FAR1: variants seen among roughly 807,000 people sequenced by gnomAD.
FAR1 encodes male sterility domain-containing protein 2.
A neutral mutation model predicts 61.1 loss-of-function variants in FAR1; 22 were observed. The observed-to-expected ratio is 0.36, with a 90% CI of 0.26 to 0.51. The LOEUF (loss-of-function observed/expected upper bound fraction) is 0.51. Among genes scored for constraint, FAR1 ranks in the 20% least tolerant of loss-of-function variants. FAR1 has a pLI of 0.95. For synonymous variants in FAR1, 206 were observed against 209.7 expected (o/e 0.98, Z 0.15); for missense variants, 359 against 626.9 (o/e 0.57, Z 4.56).
chr11:13,688,822 TTTTA>T (rs918384353), intron 1 of FAR1, among the ~76,000 whole-genome samples: 3 of 150,988 alleles, frequency 2.0e-5, no homozygotes, highest in African/African-American at 7.3e-5. Flanking sequence ...CATCAAACCG[TTTTA>T]TTTATTTATT....
intron 1 of FAR1, among the ~76,000 whole-genome samples, chr11:13,677,825 A>G (rs1848084476): frequency 6.6e-6 from 1 of 152,236 alleles, no homozygotes; most frequent in Non-Finnish European, 1.5e-5. Flanking sequence ...GATGGTTCCT[A>G]ATTGAATCAC....
At position 13,722,858 on chromosome 11, in the gene FAR1, C is replaced by CTCTCTCTA. The variant is rs905924337; in HGVS notation, c.1257+1000_1257+1001insCTCTCTAT. On this transcript the variant is annotated intron_variant, in intron 10 of 11. Transcript: ENST00000354817. Reference sequence around the variant, plus strand: ...TAGATTTCTCCCTCTCTCTCTCTCTCTATATATATATATATATATAAAATA... The same window carrying CTCTCTCTA: ...TAGATTTCTCCCTCTCTCTCTCTCTCTCTCTCTATATATATATATATATATATAAAATA... Among the ~76,000 whole-genome samples, 341 of 147,844 alleles carry CTCTCTCTA rather than the reference C, an allele frequency of 2.3e-3. 1 individual carries two copies. Among genetic ancestry groups the CTCTCTCTA allele is most frequent in the African/African-American group, 8.0e-3 (319 of 39,850 alleles).
At chr11:13,720,515 T>C (rs1848598868) in intron 9 of FAR1, 1 of 152,190 alleles carries the variant, frequency 6.6e-6, no homozygotes, top group Admixed American at 6.5e-5. Context: ...TTGAAGTTAC[T>C]TTATTGGATG....
At chr11:13,676,439 A>C (rs1192895748) in intron 1 of FAR1, among the ~76,000 whole-genome samples, 3 of 152,100 alleles carry the variant, frequency 2.0e-5, no homozygotes, top group Non-Finnish European at 4.4e-5. Flanking sequence ...GGCAGTTAAG[A>C]TCTGTGGAGG....
chr11:13,709,233 T>C (rs1848472531), intron 4 of FAR1, among the ~76,000 whole-genome samples: 1 of 152,136 alleles, frequency 6.6e-6, no homozygotes, highest in African/African-American at 2.4e-5. Flanking sequence ...CCTGCTAATA[T>C]GAGGAAACAG....
At chr11:13,697,856 G>A (rs1848325151) in intron 2 of FAR1, among the ~76,000 whole-genome samples, 1 of 152,082 alleles carries the variant, frequency 6.6e-6, no homozygotes, top group Non-Finnish European at 1.5e-5. Context: ...TTCAGGCTTA[G>A]GCCTTGTTTT....
At chr11:13,724,545 G>A (rs1448386598) in intron 10 of FAR1, among the ~76,000 whole-genome samples, 5 of 35,208 alleles carry the variant, frequency 1.4e-4, no homozygotes, top group African/African-American at 5.0e-4. Context: ...ACGAGACTCC[G>A]CCTCAAAAAA....
chr11:13,694,942 C>A lies in FAR1; in HGVS notation c.177C>A (p.Val59=). Residue 59 remains valine, a synonymous_variant, in exon 2 of 12, where the codon GTC becomes GTA. Coordinates refer to ENST00000354817, the MANE Select transcript of FAR1 (RefSeq NM_032228.6). ...GQTPQERVEE[V]LSGKLFDRLR... ...CACCACAAGAGCGAGTGGAAGAAGT[C>A]CTTAGTGGCAAGGTAAGTATGGAAA... The A allele has an allele frequency of 6.2e-7, 1 of 1,610,240 alleles. No homozygotes were observed. Among genetic ancestry groups the A allele is most frequent in the Non-Finnish European group, 8.5e-7 (1 of 1,178,206 alleles).
At chr11:13,725,914 CTTTT>C (rs939408066) in intron 10 of FAR1, among the ~76,000 whole-genome samples, 7 of 150,238 alleles carry the variant, frequency 4.7e-5, no homozygotes, top group African/African-American at 1.7e-4. Context: ...GTTTTAAGTT[CTTTT>C]TTCTTTTTTT....
At chr11:13,722,843 C>CCTCT (rs140943706) in intron 10 of FAR1, among the ~76,000 whole-genome samples, 10,997 of 142,918 alleles carry the variant, frequency 0.077, 542 homozygotes, top group South Asian at 0.12. Flanking sequence ...TAGATTTCTC[C>CCTCT]CTCTCTCTCT....
chr11:13,700,917 A>C (rs1260188399), intron 3 of FAR1, among the ~76,000 whole-genome samples: 1 of 151,840 alleles, frequency 6.6e-6, no homozygotes, highest in Non-Finnish European at 1.5e-5. Context: ...TTATAAATTT[A>C]AATCACACCT....
chr11:13,670,397 G>A (rs868419995), intron 1 of FAR1, among the ~76,000 whole-genome samples: 1 of 152,132 alleles, frequency 6.6e-6, no homozygotes, highest in Admixed American at 6.5e-5. Flanking sequence ...CAAGTGATCA[G>A]CTCTTGCCTC....
intron 10 of FAR1, among the ~76,000 whole-genome samples, chr11:13,725,885 C>CT (rs530480044): frequency 1.2e-4 from 18 of 151,368 alleles, no homozygotes; most frequent in African/African-American, 4.4e-4. Context: ...ACTAGTAGTG[C>CT]TTTGTATTTG....
Position 13,721,811 on chromosome 11 carries a change from T to G in FAR1, c.1209T>G (p.Thr403=). 1 of 1,611,082 alleles carries G rather than the reference T, an allele frequency of 6.2e-7. No homozygotes were observed. Among genetic ancestry groups the G allele is most frequent in the Non-Finnish European group, 8.5e-7 (1 of 1,178,550 alleles). ...YFTSNSWVWN[T]ENVNMLMNQL... ...CAAGTAATTCTTGGGTTTGGAATAC[T>G]GAGAATGTCAATATGTTAATGAATC... Residue 403 remains threonine (T), a synonymous_variant, in exon 10 of 12, where the codon ACT becomes ACG. Transcript: ENST00000354817. This position sits in a 1 kb window ranked among gnomAD's most constrained non-coding sequence, Gnocchi z 4.2.
chr11:13,718,063 C>A (rs1028442734), intron 9 of FAR1, among the ~76,000 whole-genome samples: 1 of 152,176 alleles, frequency 6.6e-6, no homozygotes, highest in Non-Finnish European at 1.5e-5. Flanking sequence ...TCCTATGGGA[C>A]AGCACTTTTA....
Position 13,726,419 on chromosome 11 carries a change from T to A in FAR1, c.1258-1137T>A, listed in dbSNP as rs756999356. ...TTTTATTCTCTGGAAATATCTTTAT[T>A]TCACCTTTATTTTTCAAGGATATTT... On this transcript the variant is annotated intron_variant, in intron 10 of 11. Coordinates refer to ENST00000354817, the MANE Select transcript of FAR1 (RefSeq NM_032228.6). 4.7e-4 allele frequency among the ~76,000 whole-genome samples: 72 copies of A among 152,222 alleles called. 1 individual carries two copies. Among genetic ancestry groups the A allele is most frequent in the Non-Finnish European group, 7.1e-4 (48 of 67,942 alleles).
intron 2 of FAR1, among the ~76,000 whole-genome samples, chr11:13,695,779 T>C (rs1848301156): frequency 6.6e-6 from 1 of 152,230 alleles, no homozygotes; most frequent in Admixed American, 6.5e-5. Flanking sequence ...TGACTTTGAA[T>C]GAACTTCATA....
intron 8 of FAR1, 28 bp downstream of exon 8, chr11:13,713,061 T>G: frequency 6.3e-7 from 1 of 1,593,940 alleles, no homozygotes; most frequent in Non-Finnish European, 8.6e-7. Flanking sequence ...TTTTTGAATG[T>G]TAGAATAAAT....
chr11:13,705,430 G>C (rs1023770), intron 3 of FAR1, among the ~76,000 whole-genome samples: 188 of 152,176 alleles, frequency 1.2e-3, no homozygotes, highest in African/African-American at 4.4e-3. Context: ...GCAAGGCATA[G>C]AAGTGTTCCT....
Sources: allele counts gnomAD v4.1 joint callset (sites outside exome capture counted in the v4.1 genomes callset), GRCh38; gene constraint gnomAD v4.1.1; non-coding constraint Gnocchi (gnomAD v3.1); transcripts MANE v1.5; gene names NCBI Gene and HGNC (gene_info 2026-07-23, HGNC 2026-07-21).